Variants in COL4A1 observed in about 807,000 individuals in gnomAD.
COL4A1 encodes the protein collagen alpha-1(IV) chain.
A neutral mutation model predicts 216.6 loss-of-function variants in COL4A1; 40 were observed. That is an observed-to-expected ratio of 0.18 (90% CI 0.14 to 0.24). The LOEUF (loss-of-function observed/expected upper bound fraction) is 0.24, where lower values mean the gene tolerates loss of function less well. Ranked by LOEUF, COL4A1 falls within the 10% of genes least tolerant of loss-of-function variation. The pLI is 1.00. For synonymous variants in COL4A1, 839 were observed against 810.7 expected, an observed-to-expected ratio of 1.03 and a Z score of -0.59; for missense variants, 1,628 against 2,196.8, an observed-to-expected ratio of 0.74 and a Z score of 5.18.
chr13:110,233,343 G>A (rs1456069601), intron 2 of COL4A1, among the ~76,000 whole-genome samples: 5 of 152,048 alleles, frequency 3.3e-5, no homozygotes, highest in East Asian at 3.9e-4. Context: ...GACAAAACAC[G>A]GAAAAGGAAA....
chr13:110,270,300 C>G (rs1883199527), intron 1 of COL4A1, among the ~76,000 whole-genome samples: 1 of 152,216 alleles, frequency 6.6e-6, no homozygotes. Flanking sequence ...CAACCTTCCT[C>G]TTAAAGTTTT....
At position 110,181,294 on chromosome 13, in the gene COL4A1, T is replaced by G. The variant is rs779636582; in HGVS notation, c.2191A>C (p.Lys731Gln). The change falls in exon 29 of 52, where the codon AAG (lysine) becomes CAG (glutamine). Residue 731 changes from lysine to glutamine, a missense_variant and splice_region_variant. Physicochemically the swap from Lys to Gln is moderately conservative, Grantham distance 53. Transcript: ENST00000375820. ...TGGAGGGAATGCTTGGCACTCACCT[T>G]CTGGCCCTGCACACCTGGGTTCCCA... ...LPGNPGVQGQ[K>Q]GEPGVGLPGL... The G allele has an allele frequency of 2.5e-6, 4 of 1,613,836 alleles. No individual in the cohort carries two copies. Among genetic ancestry groups the G allele is most frequent in the Non-Finnish European group, 3.4e-6 (4 of 1,179,828 alleles).
Position 110,207,243 on chromosome 13 carries a change from A to G in COL4A1, c.780+160T>C, listed in dbSNP as rs946793114. On this transcript the variant is annotated intron_variant, in intron 13 of 51. Coordinates refer to ENST00000375820, the MANE Select transcript of COL4A1 (RefSeq NM_001845.6). The surrounding 1 kb of genome is among the most constrained non-coding windows in gnomAD (Gnocchi z 4.4). ...CCAGTTCCAGCTGTCTCTGCTCTCA[A>G]AGGGGCTCGTATTTTATGGACTGAA... 6.6e-6 allele frequency among the ~76,000 whole-genome samples: 1 copy of G among 152,210 alleles called. No individual in the cohort carries two copies. Among genetic ancestry groups the G allele is most frequent in the South Asian group, 2.1e-4 (1 of 4,816 alleles).
intron 28 of COL4A1, among the ~76,000 whole-genome samples, chr13:110,181,695 C>T (rs893556081): frequency 1.3e-5 from 2 of 152,116 alleles, no homozygotes; most frequent in Non-Finnish European, 2.9e-5. Flanking sequence ...TACCCCTTGG[C>T]GCCTGCAGGT....
At chr13:110,256,589 T>A (rs556008638) in intron 1 of COL4A1, among the ~76,000 whole-genome samples, 2 of 152,238 alleles carry the variant, frequency 1.3e-5, no homozygotes, top group East Asian at 3.9e-4. Flanking sequence ...AATGAGAACG[T>A]GCACAGGGAG....
intron 4 of COL4A1, 91 bp downstream of exon 4, chr13:110,213,691 G>A: frequency 1.5e-6 from 2 of 1,312,334 alleles, no homozygotes; most frequent in Non-Finnish European, 2.2e-6. Context: ...GAGGACGAGG[G>A]CAAGGAGAAA....
chr13:110,220,646 G>C (rs535398437), intron 2 of COL4A1, among the ~76,000 whole-genome samples: 2 of 152,210 alleles, frequency 1.3e-5, no homozygotes, highest in African/African-American at 4.8e-5. Context: ...GGGGTTGTTT[G>C]GGCAAGTTCC....
At position 110,178,197 on chromosome 13, in the gene COL4A1, G is replaced by T. The variant is rs764995559; in HGVS notation, c.2493C>A (p.Pro831=). 1.2e-6 allele frequency: 2 copies of T among 1,614,008 alleles called. No individual in the cohort carries two copies. Among genetic ancestry groups the T allele is most frequent in the Non-Finnish European group, 1.7e-6 (2 of 1,180,046 alleles). Residue 831 remains proline (P), a synonymous_variant, in exon 32 of 52, where the codon CCC becomes CCA. Transcript: ENST00000375820. ...PPGIKGEKGF[P]GFPGLDMPGP... The stretch of plus-strand genomic sequence containing the variant: ...CCGGCATGTCCAGTCCAGGGAATCC[G>T]GGGAAACCCTTCTCTCCTTTTATTC...
At position 110,192,899 on chromosome 13, in the gene COL4A1, T is replaced by G; in HGVS notation, c.1396A>C (p.Ser466Arg). 3.1e-6 allele frequency: 5 copies of G among 1,614,118 alleles called. No homozygotes were observed. The highest frequency in any genetic ancestry group is 4.2e-6 in the Non-Finnish European group (5 of 1,179,988). Residue 466 changes from serine (S) to arginine (R), a missense_variant, in exon 23 of 52, where the codon AGT becomes CGT. Ser to Arg is a moderately radical substitution (Grantham distance 110, BLOSUM62 -1). Around this residue, in one of 8 missense-constraint regions of COL4A1, gnomAD observed 701 missense variants for 892.5 expected, o/e 0.79. Coordinates refer to ENST00000375820, the MANE Select transcript of COL4A1 (RefSeq NM_001845.6). ...CCGTCTATATCACAGATGAGGCAAC[T>G]CTCTCCTTTTTGACCTAAAAAAGAA... is the stretch of plus-strand genomic sequence containing the variant. ...EIGEKGQKGE[S>R]CLICDIDGYR...
chr13:110,153,644 G>A (rs1876618944), intron 50 of COL4A1, among the ~76,000 whole-genome samples: 1 of 152,110 alleles, frequency 6.6e-6, no homozygotes, highest in Non-Finnish European at 1.5e-5. Context: ...AACCTTTCTG[G>A]CTCTCTCGAT....
At chr13:110,299,713 C>T (rs937479858) in intron 1 of COL4A1, among the ~76,000 whole-genome samples, 4 of 152,200 alleles carry the variant, frequency 2.6e-5, no homozygotes, top group African/African-American at 9.7e-5. Context: ...GTCGTGTGCA[C>T]GTCTGACCCG....
chr13:110,150,814 A>C (rs556087959), intron 51 of COL4A1, among the ~76,000 whole-genome samples: 2 of 152,350 alleles, frequency 1.3e-5, no homozygotes, highest in South Asian at 4.1e-4. Context: ...CCACTAGATC[A>C]TAAACTCCTC....
chr13:110,191,752 T>C (rs2139178580), intron 24 of COL4A1: 1 of 620,836 alleles, frequency 1.6e-6, no homozygotes, highest in Non-Finnish European at 2.8e-6. Flanking sequence ...CTTGATCTTT[T>C]CATAGAAACT....
At position 110,207,325 on chromosome 13, in the gene COL4A1, T is replaced by G; in HGVS notation, c.780+78A>C. 7.9e-7 allele frequency: 1 copy of G among 1,269,532 alleles called. No individual in the cohort carries two copies. The highest frequency in any genetic ancestry group is 1.2e-6 in the Non-Finnish European group (1 of 865,876). The allele number at this position is 1,269,532 out of a possible 1,614,324, so 78.6% of individuals were successfully genotyped here. On this transcript the variant is annotated intron_variant, in intron 13 of 51. Coordinates refer to ENST00000375820, the MANE Select transcript of COL4A1 (RefSeq NM_001845.6). This position sits in a 1 kb window ranked among gnomAD's most constrained non-coding sequence, Gnocchi z 4.4. ...TGAATGTAGCTGGAAAAACTGAGTT[T>G]TGACCCATTTTCTCTTTATCTTTTG...
chr13:110,244,693 G>A (rs1471848738), intron 1 of COL4A1, among the ~76,000 whole-genome samples: 2 of 152,100 alleles, frequency 1.3e-5, no homozygotes, highest in South Asian at 4.1e-4. Flanking sequence ...GGCTTATCAC[G>A]TTTCTCGTTG....
chr13:110,196,926 T>G (rs924890078), intron 21 of COL4A1, among the ~76,000 whole-genome samples: 7 of 152,226 alleles, frequency 4.6e-5, no homozygotes, highest in Non-Finnish European at 1.0e-4. Flanking sequence ...TTCTAAATTA[T>G]TACTCGATAC....
intron 2 of COL4A1, among the ~76,000 whole-genome samples, chr13:110,234,205 G>C (rs1337772643): frequency 6.6e-6 from 1 of 152,162 alleles, no homozygotes; most frequent in African/African-American, 2.4e-5. Context: ...AAAAACAGTG[G>C]GTAGATGGGG....
intron 2 of COL4A1, among the ~76,000 whole-genome samples, chr13:110,226,439 C>T (rs963259496): frequency 1.9e-4 from 29 of 152,276 alleles, no homozygotes; most frequent in Admixed American, 1.7e-3. Flanking sequence ...TTCCTTACCC[C>T]CAAGCAAGTT....
chr13:110,212,512 C>A, intron 5 of COL4A1, 33 bp from the exon 6 acceptor site: 2 of 1,614,192 alleles, frequency 1.2e-6, no homozygotes, highest in South Asian at 2.2e-5. Flanking sequence ...GTAACCCAGG[C>A]AGAAAATCGC....
Sources: gnomAD v4.1 joint callset for allele counts (sites outside exome capture counted in the v4.1 genomes callset) on GRCh38, gnomAD v4.1.1 for gene constraint, gnomAD v4.1.1 regional missense constraint, Gnocchi (gnomAD v3.1) non-coding constraint, MANE v1.5 for transcripts, NCBI Gene and HGNC (gene_info 2026-07-23, HGNC 2026-07-21) for gene names.